FLNB: variants seen among roughly 807,000 people sequenced by gnomAD.
FLNB encodes filamin-B.
A neutral mutation model predicts 250.6 loss-of-function variants in FLNB; 111 were observed. That is an observed-to-expected ratio of 0.44 (90% confidence interval 0.38 to 0.52). The LOEUF (loss-of-function observed/expected upper bound fraction) is 0.52. Among genes scored for constraint, FLNB ranks in the 20% least tolerant of loss-of-function variants. The pLI is 0.00. For synonymous variants in FLNB, 1,302 were observed against 1,372.1 expected, an observed-to-expected ratio of 0.95 and a Z score of 1.13; for missense variants, 2,869 against 3,447.8, an observed-to-expected ratio of 0.83 and a Z score of 4.20.
At chr3:58,044,067 G>A (rs963054452) in intron 1 of FLNB, among the ~76,000 whole-genome samples, 1 of 152,184 alleles carries the variant, frequency 6.6e-6, no homozygotes, top group African/African-American at 2.4e-5. Flanking sequence ...ATTTCACTCG[G>A]TGTAGCCATA....
At chr3:58,042,348 T>G (rs1376535401) in intron 1 of FLNB, among the ~76,000 whole-genome samples, 4 of 149,446 alleles carry the variant, frequency 2.7e-5, no homozygotes, top group Non-Finnish European at 3.0e-5. Context: ...TCTGTAGGTT[T>G]TTTTTTTTTT....
chr3:58,120,281 G>A (rs1404877453), intron 19 of FLNB, among the ~76,000 whole-genome samples: 1 of 152,184 alleles, frequency 6.6e-6, no homozygotes, highest in East Asian at 1.9e-4. Context: ...GTGTCCCCTT[G>A]TCACTCCTTT....
intron 4 of FLNB, among the ~76,000 whole-genome samples, chr3:58,082,278 A>G (rs2106968809): frequency 1.3e-5 from 2 of 152,272 alleles, no homozygotes; most frequent in East Asian, 3.9e-4. Context: ...TGCTCAGAAC[A>G]TTATAGTGGG....
intron 8 of FLNB, among the ~76,000 whole-genome samples, chr3:58,100,188 A>T (rs1489574055): frequency 6.6e-6 from 1 of 151,984 alleles, no homozygotes; most frequent in African/African-American, 2.4e-5. Flanking sequence ...TTTTTACATA[A>T]GAGAGCATTT....
Position 58,156,044 on chromosome 3 carries a change from A to G in FLNB, c.6857A>G (p.Asp2286Gly). The G allele has an allele frequency of 1.2e-6, 2 of 1,614,038 alleles. No individual in the cohort carries two copies. ...YLVPVIAPSD[D>G]ARRLTVMSLQ... ...GTGCCGGTCATCGCACCCTCCGACG[A>G]CGCCCGCCGCCTCACTGTTATGAGC... The change falls in exon 41 of 46, where the codon GAC (aspartate) becomes GGC (glycine). Residue 2286 changes from aspartate (D) to glycine (G), a missense_variant. By Grantham distance (94) the Asp-to-Gly change is moderately conservative (BLOSUM62 -1). This residue lies in a region of FLNB where 1,084 missense variants were observed against 1,315.5 expected (regional missense o/e 0.82). Coordinates refer to ENST00000295956, the MANE Select transcript of FLNB (RefSeq NM_001457.4).
Position 58,111,772 on chromosome 3 carries a change from G to A in FLNB, c.2485-19G>A. 6.3e-7 allele frequency: 1 copy of A among 1,597,034 alleles called. No homozygotes were observed. The highest frequency in any genetic ancestry group is 1.1e-5 in the South Asian group (1 of 90,706). On this transcript the variant is annotated intron_variant, in intron 16 of 45. Coordinates refer to ENST00000295956, the MANE Select transcript of FLNB (RefSeq NM_001457.4). ...GTTGCTTCAGGGGCTTTCCTACTAA[G>A]ACTGTGTCTCTGCTACAGGAAATCC...
intron 1 of FLNB, among the ~76,000 whole-genome samples, chr3:58,054,114 C>CA (rs1481156949): frequency 2.6e-5 from 4 of 152,150 alleles, no homozygotes; most frequent in African/African-American, 9.7e-5. Context: ...ATTGCCCACT[C>CA]ACTGGCTCTG....
At chr3:58,033,809 T>C (rs529410698) in intron 1 of FLNB, among the ~76,000 whole-genome samples, 38 of 152,264 alleles carry the variant, frequency 2.5e-4, no homozygotes, top group Admixed American at 3.9e-4. Flanking sequence ...TGTATGGATA[T>C]ACTACATTTT....
intron 29 of FLNB, among the ~76,000 whole-genome samples, chr3:58,140,296 C>T (rs1361539783): frequency 6.6e-6 from 1 of 152,232 alleles, no homozygotes; most frequent in East Asian, 1.9e-4. Context: ...GGACAAACAG[C>T]TTAACTGCCC....
chr3:58,028,749 G>A (rs1229614082), intron 1 of FLNB, among the ~76,000 whole-genome samples: 1 of 150,322 alleles, frequency 6.7e-6, no homozygotes, highest in Non-Finnish European at 1.5e-5. Flanking sequence ...AAGTAGCTGG[G>A]ATTACAGGCA....
At chr3:58,044,767 AC>A (rs1412284037) in intron 1 of FLNB, among the ~76,000 whole-genome samples, 2 of 151,954 alleles carry the variant, frequency 1.3e-5, no homozygotes, top group African/African-American at 2.4e-5. Flanking sequence ...GCACCTTGGG[AC>A]CCCCCTGAAC....
Position 58,159,691 on chromosome 3 carries a change from G to C in FLNB, c.7021+5G>C. The C allele has an allele frequency of 6.2e-7, 1 of 1,612,890 alleles. No homozygotes were observed. Among genetic ancestry groups the C allele is most frequent in the Non-Finnish European group, 8.5e-7 (1 of 1,180,000 alleles). On this transcript the variant is annotated splice_donor_5th_base_variant and intron_variant, in intron 42 of 45. Transcript: ENST00000295956. ...ACGTGTCTGAGCTGGAGCCAGGTGA[G>C]CAGGAGGCCTGCTGGGGGGTCCCAG...
rs901776129 is a variant in FLNB, at chr3:58,169,101, A to G, written c.7417+443A>G. ...CCAAGGTAACCACCATAAACACTGT[A>G]GTAAATCCCTTCCACACGTCATGAT... On this transcript the variant is annotated intron_variant, in intron 44 of 45. Transcript: ENST00000295956. This position sits in a 1 kb window ranked among gnomAD's most constrained non-coding sequence, Gnocchi z 4.8. 3 of 284,268 alleles carry G rather than the reference A, an allele frequency of 1.1e-5. No homozygotes were observed. The highest frequency in any genetic ancestry group is 9.8e-5 in the Admixed American group (2 of 20,406). 17.6% of individuals were successfully genotyped at this position (284,268 alleles called of 1,614,324 possible). A position where few individuals can be genotyped will look rare whatever the true frequency, so the allele number is the denominator to read the frequency against.
intron 23 of FLNB, 34 bp from the exon 24 acceptor site, chr3:58,126,568 G>C: frequency 6.2e-7 from 1 of 1,609,756 alleles, no homozygotes; most frequent in Non-Finnish European, 8.5e-7. Flanking sequence ...TAAATAAATG[G>C]TGCACATTTC....
chr3:58,035,273 G>A lies in FLNB; in HGVS notation c.292+26417G>A, dbSNP rs142939439. 3.2e-4 allele frequency among the ~76,000 whole-genome samples: 48 copies of A among 152,290 alleles called. No individual in the cohort carries two copies. The East Asian group carries it at 7.5e-3, about 24-fold the overall frequency. On this transcript the variant is annotated intron_variant, in intron 1 of 45. Coordinates refer to ENST00000295956, the MANE Select transcript of FLNB (RefSeq NM_001457.4). ...AAACAAAACCAAACCCAAAATACACGTAAATTGCAGAGTGCTTGAGGTTTC... is the reference window on the plus strand; with the variant it reads ...AAACAAAACCAAACCCAAAATACACATAAATTGCAGAGTGCTTGAGGTTTC...
chr3:58,015,846 T>A (rs116207896), intron 1 of FLNB, among the ~76,000 whole-genome samples: 2,299 of 152,204 alleles, frequency 0.015, 71 homozygotes, highest in African/African-American at 0.052. Context: ...TCTAGAAGGT[T>A]CCCTGGAGGA....
In FLNB at chr3:58,012,343, T is replaced by C. The variant is rs543541238; in HGVS notation, c.292+3487T>C. Among the ~76,000 whole-genome samples the C allele has an allele frequency of 3.2e-4, 49 of 152,280 alleles. 1 individual carries two copies. The highest frequency in any genetic ancestry group is 9.2e-4 in the Admixed American group (14 of 15,280). On this transcript the variant is annotated intron_variant, in intron 1 of 45. Transcript: ENST00000295956. ...ACTCTTGCCATGGTTAGTATTATTA[T>C]CTTTATTTAAAGATGGGAAACAGGA...
At chr3:58,078,840 T>C in intron 3 of FLNB, 26 bp downstream of exon 3, 1 of 1,575,624 alleles carries the variant, frequency 6.3e-7, no homozygotes, top group Non-Finnish European at 8.7e-7. Context: ...CCAGGTCCTG[T>C]GAGGCTGCCC....
intron 4 of FLNB, among the ~76,000 whole-genome samples, chr3:58,084,482 T>C (rs2097214132): frequency 6.6e-6 from 1 of 152,218 alleles, no homozygotes; most frequent in Non-Finnish European, 1.5e-5. Flanking sequence ...TTCAGGAATG[T>C]GGCTGGTCAT....
Sources: gnomAD v4.1 joint callset for allele counts (sites outside exome capture counted in the v4.1 genomes callset) on GRCh38, gnomAD v4.1.1 for gene constraint, gnomAD v4.1.1 regional missense constraint, Gnocchi (gnomAD v3.1) non-coding constraint, MANE v1.5 for transcripts, NCBI Gene and HGNC (gene_info 2026-07-23, HGNC 2026-07-21) for gene names.